PDK1: variants seen among roughly 807,000 people sequenced by gnomAD.
PDK1 encodes pyruvate dehydrogenase kinase 1.
In PDK1, 39 loss-of-function variants were observed where a neutral mutation model predicts 54.2. The ratio of observed to expected loss-of-function variants is 0.72; its 90% CI spans 0.56 to 0.94. The LOEUF is 0.94. Ranked by LOEUF, PDK1 falls within the 40% of genes least tolerant of loss-of-function variation. The pLI, the probability that PDK1 is intolerant of heterozygous loss-of-function variation, is 0.00. For synonymous variants in PDK1, 221 were observed against 207.1 expected (o/e 1.07, Z -0.58); for missense variants, 552 against 566.0 (o/e 0.98, Z 0.25).
chr2:172,576,927 C>T (rs1179986801), intron 8 of PDK1, among the ~76,000 whole-genome samples: 1 of 152,142 alleles, frequency 6.6e-6, no homozygotes, highest in Non-Finnish European at 1.5e-5. Flanking sequence ...AGTGTGCATT[C>T]TGATGCTGTT....
the PDK1 span, among the ~76,000 whole-genome samples, chr2:172,627,474 A>G: frequency 6.6e-6 from 1 of 152,242 alleles, no homozygotes; most frequent in Non-Finnish European, 1.5e-5. Context: ...ACATGCTTCT[A>G]TTTAGCTCAA....
chr2:172,660,213 G>A, the PDK1 span, among the ~76,000 whole-genome samples: 17 of 131,332 alleles, frequency 1.3e-4, no homozygotes, highest in East Asian at 6.8e-4. Context: ...TCAGTGTATC[G>A]ATCTATGTAA....
chr2:172,691,510 T>C, the PDK1 span: 2 of 152,230 alleles, frequency 1.3e-5, no homozygotes, highest in Admixed American at 6.5e-5. Flanking sequence ...TATTCACCAT[T>C]ATAGAATCAT....
At chr2:172,718,871 T>C in the PDK1 span, among the ~76,000 whole-genome samples, 1 of 152,238 alleles carries the variant, frequency 6.6e-6, no homozygotes, top group Admixed American at 6.5e-5. Context: ...AAAATCACCT[T>C]TCTAAATGTA....
the PDK1 span, among the ~76,000 whole-genome samples, chr2:172,615,598 G>T: frequency 6.6e-6 from 1 of 151,998 alleles, no homozygotes; most frequent in Non-Finnish European, 1.5e-5. Context: ...ACTCCAGCCT[G>T]GGCAATAAGA....
chr2:172,629,930 G>A, the PDK1 span, among the ~76,000 whole-genome samples: 2 of 152,222 alleles, frequency 1.3e-5, no homozygotes, highest in South Asian at 2.1e-4. Context: ...CTGTGAGGAG[G>A]TCAAGGGAAG....
At chr2:172,555,776 T>G, upstream of PDK1, 1 of 178,120 alleles carries the variant, frequency 5.6e-6, no homozygotes. Flanking sequence ...CCTCGCCTCT[T>G]AGTGTCCCCA....
At chr2:172,622,859 GTAATA>G in the PDK1 span, among the ~76,000 whole-genome samples, 1,783 of 144,848 alleles carry the variant, frequency 0.012, 35 homozygotes, top group African/African-American at 0.042. Flanking sequence ...TATATTATAT[GTAATA>G]TAATATGATA....
intron 3 of PDK1, chr2:172,562,918 T>TC: frequency 1.2e-6 from 1 of 840,590 alleles, no homozygotes; most frequent in Non-Finnish European, 1.8e-6. Flanking sequence ...TGACCATCTC[T>TC]TGTCCTCAGT....
At chr2:172,678,122 A>T in the PDK1 span, among the ~76,000 whole-genome samples, 1 of 152,106 alleles carries the variant, frequency 6.6e-6, no homozygotes, top group African/African-American at 2.4e-5. Flanking sequence ...GTGAGCCAAG[A>T]TTGCACCACT....
At chr2:172,697,382 T>C in the PDK1 span, among the ~76,000 whole-genome samples, 1 of 152,218 alleles carries the variant, frequency 6.6e-6, no homozygotes, top group Non-Finnish European at 1.5e-5. Flanking sequence ...CCTGCCATTA[T>C]TTTCACATGT....
At chr2:172,654,674 G>A in the PDK1 span, among the ~76,000 whole-genome samples, 1 of 152,090 alleles carries the variant, frequency 6.6e-6, no homozygotes, top group African/African-American at 2.4e-5. Flanking sequence ...ACAAGTTAAC[G>A]AGTGCAGCAC....
At chr2:172,701,510 G>T in the PDK1 span, among the ~76,000 whole-genome samples, 2 of 152,166 alleles carry the variant, frequency 1.3e-5, no homozygotes, top group African/African-American at 4.8e-5. Flanking sequence ...GTGAAGATTT[G>T]TAAGCCCAGG....
chr2:172,577,361 C>G (rs11890159), intron 8 of PDK1, among the ~76,000 whole-genome samples: 5 of 151,970 alleles, frequency 3.3e-5, no homozygotes, highest in Admixed American at 2.0e-4. Context: ...TTATAGCATA[C>G]AGTTAGAATT....
chr2:172,579,969 T>C (rs969959894), intron 8 of PDK1, among the ~76,000 whole-genome samples: 10 of 151,558 alleles, frequency 6.6e-5, no homozygotes, highest in Non-Finnish European at 1.2e-4. Flanking sequence ...AGCCCTTCTA[T>C]TGAACTTTTA....
the PDK1 span, among the ~76,000 whole-genome samples, chr2:172,702,359 C>T: frequency 6.6e-6 from 1 of 152,228 alleles, no homozygotes; most frequent in Non-Finnish European, 1.5e-5. Context: ...TGCCTGTAAT[C>T]CCAGCTACTC....
At chr2:172,645,101 G>A in the PDK1 span, among the ~76,000 whole-genome samples, 3 of 151,794 alleles carry the variant, frequency 2.0e-5, no homozygotes, top group Non-Finnish European at 4.4e-5. Flanking sequence ...TTAAACACTG[G>A]GTATCTTGAA....
chr2:172,603,396 C>T lies in PDK1; in HGVS notation c.*7427C>T, dbSNP rs183200526. On this transcript the variant is annotated 3_prime_UTR_variant, in exon 11 of 11. Coordinates refer to ENST00000282077, the MANE Select transcript of PDK1 (RefSeq NM_002610.5). ...TGACATCTGAATTTTAAGGATCTTA[C>T]CCAGTGAACATATAACTAGTGGAAA... 6 of 152,270 alleles carry T rather than the reference C, an allele frequency of 3.9e-5. No homozygotes were observed. Among genetic ancestry groups the T allele is most frequent in the Admixed American group, 2.6e-4 (4 of 15,294 alleles). The allele number at this position is 152,270 out of a possible 1,614,324, so 9.4% of individuals were successfully genotyped here. A position where few individuals can be genotyped will look rare whatever the true frequency, so the allele number is the denominator to read the frequency against.
At chr2:172,688,584 A>C in the PDK1 span, among the ~76,000 whole-genome samples, 1 of 152,212 alleles carries the variant, frequency 6.6e-6, no homozygotes, top group African/African-American at 2.4e-5. Context: ...TTTGATATGC[A>C]AGAGGCATTC....
Sources: allele counts gnomAD v4.1 joint callset (sites outside exome capture counted in the v4.1 genomes callset), GRCh38; gene constraint gnomAD v4.1.1; transcripts MANE v1.5; gene names NCBI Gene and HGNC (gene_info 2026-07-23, HGNC 2026-07-21).